The following MUC5B variants were observed in gnomAD, a reference collection of about 807,000 sequenced individuals.
MUC5B encodes the protein mucin 5B, oligomeric mucus/gel-forming.
MUC5B carries 116 observed loss-of-function variants against 376.9 expected under a neutral mutation model. That is an observed-to-expected ratio of 0.31 (90% CI 0.26 to 0.36). The LOEUF (loss-of-function observed/expected upper bound fraction) is 0.36, where lower values mean the gene tolerates loss of function less well. Among genes scored for constraint, MUC5B ranks in the 10% least tolerant of loss-of-function variants. MUC5B has a pLI of 1.00. For synonymous variants in MUC5B, 3,517 were observed against 3,390.9 expected, an observed-to-expected ratio of 1.04 and a Z score of -1.29; for missense variants, 7,165 against 7,769.9, an observed-to-expected ratio of 0.92 and a Z score of 2.93.
At chr11:1,224,619 G>C (rs1269714509) in intron 1 of MUC5B, among the ~76,000 whole-genome samples, 1 of 151,782 alleles carries the variant, frequency 6.6e-6, no homozygotes, top group African/African-American at 2.4e-5. Flanking sequence ...GGCGGGAGCC[G>C]GGGCGTGGGA....
At position 1,249,451 on chromosome 11, in the gene MUC5B, G is replaced by A. The variant is rs377252195; in HGVS notation, c.12571G>A (p.Val4191Met). 2.0e-5 allele frequency: 33 copies of A among 1,611,298 alleles called. No homozygotes were observed. Among genetic ancestry groups the A allele is most frequent in the Middle Eastern group, 4.5e-4 (2 of 4,480 alleles). ...CCCCCTGGGGGAGTTGGGCCAGGTC[G>A]TGGAATGCAGCCTGGACTTTGGCCT... The part of the protein sequence containing the change: ...GVPLGELGQV[V>M]ECSLDFGLVC... Residue 4191 changes from valine (V) to methionine (M), a missense_variant, in exon 31 of 49, where the codon GTG becomes ATG. By Grantham distance (21) the Val-to-Met change is conservative. Coordinates refer to ENST00000529681, the MANE Select transcript of MUC5B (RefSeq NM_002458.3).
Position 1,258,357 on chromosome 11 carries a change from C to A in MUC5B, c.16583C>A (p.Thr5528Asn). 4.3e-6 allele frequency: 7 copies of A among 1,612,190 alleles called. No homozygotes were observed. The highest frequency in any genetic ancestry group is 5.1e-6 in the Non-Finnish European group (6 of 1,179,592). ...CCTCAGCTGTGTTCGTACAATGGCACCTTCTACGGGGTAAGGGCACAGCAG... is the reference window on the plus strand; with the variant it reads ...CCTCAGCTGTGTTCGTACAATGGCAACTTCTACGGGGTAAGGGCACAGCAG... ...CRPQLCSYNG[T>N]FYGVGATFPG... is the part of the protein sequence containing the mutation. Residue 5528 changes from threonine (T) to asparagine (N), a missense_variant, in exon 43 of 49, where the codon ACC becomes AAC. Thr to Asn is a moderately conservative substitution (Grantham distance 65). This residue lies in a region of MUC5B where 842 missense variants were observed against 1,016.9 expected (regional missense o/e 0.83). Coordinates refer to ENST00000529681, the MANE Select transcript of MUC5B (RefSeq NM_002458.3). This position sits in a 1 kb window ranked among gnomAD's most constrained non-coding sequence, Gnocchi z 5.5.
At chr11:1,227,648 A>C (rs779077787) in intron 6 of MUC5B, 27 bp from the exon 7 acceptor site, 9 of 716,048 alleles carry the variant, frequency 1.3e-5, no homozygotes, top group Admixed American at 4.0e-5. Context: ...CCTCAGAGCC[A>C]CCACACCCCT....
Position 1,223,135 on chromosome 11 carries a change from G to T in MUC5B, c.12G>T (p.Pro4=). The T allele has an allele frequency of 1.5e-6, 1 of 661,822 alleles. No individual in the cohort carries two copies. 41.0% of individuals were successfully genotyped at this position (661,822 alleles called of 1,614,324 possible). A position where few individuals can be genotyped will look rare whatever the true frequency, so the allele number is the denominator to read the frequency against. Residue 4 remains proline, a synonymous_variant, in exon 1 of 49, where the codon CCG becomes CCT. Coordinates refer to ENST00000529681, the MANE Select transcript of MUC5B (RefSeq NM_002458.3). The stretch of plus-strand genomic sequence containing the variant: ...TGCCAGCCCCCAGGATGGGTGCCCC[G>T]AGCGCGTGCCGGACGCTGGTGTTGG... MGA[P]SACRTLVLAL...
In MUC5B at chr11:1,261,548, T is replaced by C; in HGVS notation, c.17229T>C (p.Pro5743=). The C allele has an allele frequency of 6.2e-7, 1 of 1,608,734 alleles. No individual in the cohort carries two copies. Among genetic ancestry groups the C allele is most frequent in the Non-Finnish European group, 8.5e-7 (1 of 1,178,478 alleles). The stretch of plus-strand genomic sequence containing the variant: ...GTGGCTGCACGCCCTTCTGTGTCCC[T>C]GCGCCCATGGCTCCCCCACACACCC... The part of the protein sequence containing the change: ...DECGCTPFCV[P]APMAPPHTRG... Residue 5743 remains proline (P), a synonymous_variant, in exon 49 of 49, where the codon CCT becomes CCC. Transcript: ENST00000529681.
intron 17 of MUC5B, 52 bp downstream of exon 17, chr11:1,232,822 G>T (rs1862060544): frequency 6.5e-7 from 1 of 1,528,436 alleles, no homozygotes; most frequent in Non-Finnish European, 8.8e-7. Context: ...GGGGGTGCGG[G>T]GGACCCTGGC....
intron 18 of MUC5B, 76 bp from the exon 19 acceptor site, chr11:1,233,717 G>T (rs944258804): frequency 1.4e-6 from 2 of 1,449,190 alleles, no homozygotes; most frequent in African/African-American, 2.8e-5. Flanking sequence ...AGCGTTCGGC[G>T]GGGGCTCGGA....
At position 1,241,961 on chromosome 11, in the gene MUC5B, C is replaced by T. The variant is rs1160561930; in HGVS notation, c.5081C>T (p.Pro1694Leu). ...TVPGVATSTL[P>L]TRSALPGTTG... is the part of the protein sequence containing the mutation. ...CCAGGGGTGGCCACATCCACCCTTC[C>T]AACACGCTCAGCCCTTCCAGGGACG... Residue 1694 changes from proline (P) to leucine (L), a missense_variant, in exon 31 of 49, where the codon CCA becomes CTA. This residue lies in a region of MUC5B where 897 missense variants were observed against 779.6 expected (regional missense o/e 1.15). Coordinates refer to ENST00000529681, the MANE Select transcript of MUC5B (RefSeq NM_002458.3). 1 of 1,603,084 alleles carries T rather than the reference C, an allele frequency of 6.2e-7. No individual in the cohort carries two copies. Among genetic ancestry groups the T allele is most frequent in the Non-Finnish European group, 8.5e-7 (1 of 1,175,368 alleles).
In MUC5B at chr11:1,249,486, G is replaced by C. The variant is rs756508618; in HGVS notation, c.12606G>C (p.Arg4202Ser). Residue 4202 changes from arginine to serine, a missense_variant, in exon 31 of 49, where the codon AGG becomes AGC. Physicochemically the swap from Arg to Ser is moderately radical, Grantham distance 110 (BLOSUM62 -1). Coordinates refer to ENST00000529681, the MANE Select transcript of MUC5B (RefSeq NM_002458.3). ...ECSLDFGLVC[R>S]NREQVGKFKM... ...GCCTGGACTTTGGCCTGGTCTGCAG[G>C]AACCGTGAGCAGGTGGGGAAGTTCA... is the stretch of plus-strand genomic sequence containing the variant. 6 of 1,611,494 alleles carry C rather than the reference G, an allele frequency of 3.7e-6. No homozygotes were observed. In the South Asian group the frequency reaches 5.5e-5, roughly 15 times the overall value.
At position 1,249,319 on chromosome 11, in the gene MUC5B, C is replaced by T. The variant is rs1978037; in HGVS notation, c.12439C>T (p.Pro4147Ser). 5.0e-6 allele frequency: 8 copies of T among 1,610,774 alleles called. No individual in the cohort carries two copies. The highest frequency in any genetic ancestry group is 1.7e-5 in the Admixed American group (1 of 59,960). ...WLDYSYPMPG[P>S]SGGDFDTYSN... is the part of the protein sequence containing the mutation. ...GGACTACAGCTACCCCATGCCGGGG[C>T]CCTCTGGCGGGGACTTTGACACCTA... Residue 4147 changes from proline (P) to serine (S), a missense_variant, in exon 31 of 49, where the codon CCC becomes TCC. Coordinates refer to ENST00000529681, the MANE Select transcript of MUC5B (RefSeq NM_002458.3).
At position 1,238,896 on chromosome 11, in the gene MUC5B, C is replaced by A. The variant is rs2133820716; in HGVS notation, c.3323C>A (p.Ala1108Asp). The change falls in exon 26 of 49, where the codon GCC (alanine) becomes GAC (aspartate). Residue 1108 changes from alanine (A) to aspartate (D), a missense_variant. This residue lies in a region of MUC5B where 143 missense variants were observed against 193.2 expected (regional missense o/e 0.74). Transcript: ENST00000529681. ...SQVDSTKYYE[A>D]CVNDACACDS... Reference sequence around the variant, plus strand: ...GTTGACTCCACCAAGTACTACGAGGCCTGCGTGAACGACGCGTGTGCCTGC... The same window carrying A: ...GTTGACTCCACCAAGTACTACGAGGACTGCGTGAACGACGCGTGTGCCTGC... 2 of 1,563,776 alleles carry A rather than the reference C, an allele frequency of 1.3e-6. No individual in the cohort carries two copies. The highest frequency in any genetic ancestry group is 1.7e-6 in the Non-Finnish European group (2 of 1,154,046).
rs201444072 is a variant in MUC5B, at chr11:1,246,917, C to T, written c.10037C>T (p.Thr3346Met). Residue 3346 changes from threonine (T) to methionine (M), a missense_variant, in exon 31 of 49, where the codon ACG (threonine) becomes ATG (methionine). Physicochemically the swap from Thr to Met is moderately conservative, Grantham distance 81 (BLOSUM62 -1). Coordinates refer to ENST00000529681, the MANE Select transcript of MUC5B (RefSeq NM_002458.3). ...TTTTPTTRGS[T>M]VTPSSIPGTT... ...ACCACACCCACAACCAGAGGCTCCA[C>T]GGTGACCCCCTCCTCCATCCCGGGG... 7.9e-4 allele frequency: 1,273 copies of T among 1,610,838 alleles called. 6 individuals carry two copies. The highest frequency in any genetic ancestry group is 2.0e-3 in the Admixed American group (119 of 59,906).
rs751930261 is a variant in MUC5B, at chr11:1,244,998, C to T, written c.8118C>T (p.Pro2706=). The T allele has an allele frequency of 1.3e-6, 2 of 1,552,246 alleles. No individual in the cohort carries two copies. The highest frequency in any genetic ancestry group is 1.4e-5 in the African/African-American group (1 of 72,664). Reference sequence around the variant, plus strand: ...CGGCCACCGGCTCCACCACCAACCCCTCCTCAACTCCAGGGACAACACCTA... The same window carrying T: ...CGGCCACCGGCTCCACCACCAACCCTTCCTCAACTCCAGGGACAACACCTA... ...TITATGSTTN[P]SSTPGTTPIP... Residue 2706 remains proline (P), a synonymous_variant, in exon 31 of 49, where the codon CCC becomes CCT. Coordinates refer to ENST00000529681, the MANE Select transcript of MUC5B (RefSeq NM_002458.3).
In MUC5B at chr11:1,246,461, A is replaced by G. The variant is rs1328374774; in HGVS notation, c.9581A>G (p.Lys3194Arg). Residue 3194 changes from lysine (K) to arginine (R), a missense_variant, in exon 31 of 49, where the codon AAA becomes AGA. By Grantham distance (26) the Lys-to-Arg change is conservative (BLOSUM62 2). This residue lies in a region of MUC5B where 939 missense variants were observed against 770.6 expected (regional missense o/e 1.22). Coordinates refer to ENST00000529681, the MANE Select transcript of MUC5B (RefSeq NM_002458.3). ...ACCCGGGCAACTGCTGGCACCCTCA[A>G]AGTGCTGACCAGCACGGCCACCACA... Reference protein sequence around the residue: ...SSTRATAGTLKVLTSTATTPT... With the variant: ...SSTRATAGTLRVLTSTATTPT... 10 of 1,612,516 alleles carry G rather than the reference A, an allele frequency of 6.2e-6. No individual in the cohort carries two copies. The highest frequency in any genetic ancestry group is 6.8e-6 in the Non-Finnish European group (8 of 1,179,482).
rs1318193292 is a variant in MUC5B at position 1,251,241 on chromosome 11, C to G, written c.14361C>G (p.Thr4787=). Residue 4787 remains threonine (T), a synonymous_variant, in exon 31 of 49, where the codon ACC becomes ACG. Transcript: ENST00000529681. ...ACACCTCCTCTACTCCAGAGACCAC[C>G]CACACCTCCACAGTGCTGACCACCA... ...TIHTSSTPET[T]HTSTVLTTTA... The G allele has an allele frequency of 3.1e-6, 5 of 1,611,226 alleles. No individual in the cohort carries two copies. The highest frequency in any genetic ancestry group is 4.2e-6 in the Non-Finnish European group (5 of 1,178,266).
At chr11:1,252,197 C>T in intron 31 of MUC5B, 146 bp from the exon 32 acceptor site, 1 of 761,252 alleles carries the variant, frequency 1.3e-6, no homozygotes, top group Non-Finnish European at 2.1e-6. Flanking sequence ...TTGGTCCCCA[C>T]TGGCCACACT....
chr11:1,253,571 A>T lies in MUC5B; in HGVS notation c.15218-521A>T, dbSNP rs1862758241. Among the ~76,000 whole-genome samples, 1 of 152,034 alleles carries T rather than the reference A, an allele frequency of 6.6e-6. No individual in the cohort carries two copies. Among genetic ancestry groups the T allele is most frequent in the Non-Finnish European group, 1.5e-5 (1 of 67,992 alleles). On this transcript the variant is annotated intron_variant, in intron 33 of 48. Coordinates refer to ENST00000529681, the MANE Select transcript of MUC5B (RefSeq NM_002458.3). This position sits in a 1 kb window ranked among gnomAD's most constrained non-coding sequence, Gnocchi z 4.3. ...AAGCTGGGGAGCTTATACAACAGAA[A>T]CCCACTCTCCGTCCTGGAGCTGGAA...
chr11:1,255,534 C>A lies in MUC5B; in HGVS notation c.16042C>A (p.Arg5348=). 6.5e-7 allele frequency: 1 copy of A among 1,540,230 alleles called. No individual in the cohort carries two copies. Among genetic ancestry groups the A allele is most frequent in the Non-Finnish European group, 8.8e-7 (1 of 1,140,220 alleles). Residue 5348 remains arginine (R), a synonymous_variant, in exon 37 of 49, where the codon CGA becomes AGA. Coordinates refer to ENST00000529681, the MANE Select transcript of MUC5B (RefSeq NM_002458.3). The part of the protein sequence containing the change: ...CRARGVCSDW[R]GATGGLCDLT... ...CGCCCGGGGAGTGTGCAGTGACTGG[C>A]GAGGTGCAACCGGTGGCCTGTGCGG...
rs773880048 is a variant in MUC5B, at chr11:1,251,537, T to C, written c.14657T>C (p.Met4886Thr). 5 of 1,612,998 alleles carry C rather than the reference T, an allele frequency of 3.1e-6. No individual in the cohort carries two copies. In the South Asian group the frequency reaches 5.5e-5, roughly 18 times the overall value. ...TPKVVTTMAT[M>T]PTATASTVPS... ...AAAGTGGTGACCACCATGGCCACTATGCCCACAGCCACTGCCTCCACGGTT... is the reference window on the plus strand; with the variant it reads ...AAAGTGGTGACCACCATGGCCACTACGCCCACAGCCACTGCCTCCACGGTT... The change falls in exon 31 of 49, where the codon ATG becomes ACG. Residue 4886 changes from methionine (M) to threonine (T), a missense_variant. Physicochemically the swap from Met to Thr is moderately conservative, Grantham distance 81. Coordinates refer to ENST00000529681, the MANE Select transcript of MUC5B (RefSeq NM_002458.3).
Sources: gnomAD v4.1 joint callset for allele counts (sites outside exome capture counted in the v4.1 genomes callset) on GRCh38, gnomAD v4.1.1 for gene constraint, gnomAD v4.1.1 regional missense constraint, Gnocchi (gnomAD v3.1) non-coding constraint, MANE v1.5 for transcripts, NCBI Gene and HGNC (gene_info 2026-07-23, HGNC 2026-07-21) for gene names.